RP1: variants seen among roughly 807,000 people sequenced by gnomAD.
The protein encoded by RP1 is RP1 axonemal microtubule associated.
RP1 carries 16 observed loss-of-function variants against 14.8 expected under a neutral mutation model. The observed-to-expected ratio is 1.08, with a 90% CI of 0.73 to 1.65. The LOEUF is 1.65. Among genes scored for constraint, RP1 ranks in the 40% most tolerant of loss-of-function variants. The pLI, the probability that RP1 is intolerant of heterozygous loss-of-function variation, is 0.00. For synonymous variants in RP1, 876 were observed against 883.6 expected, an observed-to-expected ratio of 0.99 and a Z score of 0.15; for missense variants, 2,631 against 2,535.0, an observed-to-expected ratio of 1.04 and a Z score of -0.81.
At chr8:54,769,488 G>A (rs954838330) in intron 22 of RP1, among the ~76,000 whole-genome samples, 1 of 152,030 alleles carries the variant, frequency 6.6e-6, no homozygotes, top group African/African-American at 2.4e-5. Context: ...GGAGAGGTGG[G>A]TGGTTAGCAG....
chr8:54,794,226 G>T (rs2129385918), intron 24 of RP1, among the ~76,000 whole-genome samples: 1 of 151,076 alleles, frequency 6.6e-6, no homozygotes, highest in African/African-American at 2.4e-5. Flanking sequence ...AATTTCATGT[G>T]AAACCACAAA....
chr8:54,842,518 A>G (rs1811812025), intron 25 of RP1, among the ~76,000 whole-genome samples: 1 of 152,172 alleles, frequency 6.6e-6, no homozygotes. Flanking sequence ...ATAGGTGCCA[A>G]TCACAGAGGA....
At chr8:54,852,656 T>C in exon 26 of RP1, 1 of 1,231,270 alleles carries the variant, frequency 8.1e-7, no homozygotes, top group African/African-American at 1.5e-5. Flanking sequence ...ACCTCATCGG[T>C]ACCAGAGGTG....
intron 23 of RP1, among the ~76,000 whole-genome samples, chr8:54,776,269 A>G (rs775065767): frequency 2.6e-5 from 4 of 152,120 alleles, no homozygotes; most frequent in Non-Finnish European, 5.9e-5. Flanking sequence ...TGGCATGATC[A>G]TAGCTCACTG....
At chr8:54,807,841 C>G (rs1053128246) in intron 24 of RP1, among the ~76,000 whole-genome samples, 1 of 152,112 alleles carries the variant, frequency 6.6e-6, no homozygotes, top group African/African-American at 2.4e-5. Context: ...CAAAGGCCAT[C>G]TGCTGGTAGA....
At chr8:54,863,742 G>A (rs1368580514) in intron 27 of RP1, among the ~76,000 whole-genome samples, 2 of 152,204 alleles carry the variant, frequency 1.3e-5, no homozygotes, top group Non-Finnish European at 2.9e-5. Flanking sequence ...AAACAGCATA[G>A]TTCAAATTTC....
chr8:54,621,097 G>A lies in RP1; in HGVS notation c.131G>A (p.Gly44Glu). 1 of 1,614,152 alleles carries A rather than the reference G, an allele frequency of 6.2e-7. No homozygotes were observed. The highest frequency in any genetic ancestry group is 1.1e-5 in the South Asian group (1 of 91,074). ...AAGCGAATCAGTTTCTACAAGAGCG[G>A]AGACCCCCAATTCGGCGGGGTCAGG... ...VAKRISFYKS[G>E]DPQFGGVRVV... Residue 44 changes from glycine to glutamate, a missense_variant, in exon 2 of 4, where the codon GGA becomes GAA. By Grantham distance (98) the Gly-to-Glu change is moderately conservative. Transcript: ENST00000220676.
At chr8:54,812,614 A>C (rs894038251) in intron 24 of RP1, among the ~76,000 whole-genome samples, 1 of 152,130 alleles carries the variant, frequency 6.6e-6, no homozygotes, top group African/African-American at 2.4e-5. Context: ...TTCACTTCCA[A>C]TTCTGTTTTC....
Position 54,741,705 on chromosome 8 carries a change from GTGTATATATATATATA to G in RP1, c.2808+2678_2808+2693del, listed in dbSNP as rs1157826757. On this transcript the variant is annotated intron_variant, in intron 19 of 22. Coordinates refer to the RP1 transcript ENST00000636932. ...TATGTACATATAAATACAAATGTGT[GTGTATATATATATATA>G]TATATATATATATATATATATATAT... Among the ~76,000 whole-genome samples, 193 of 75,900 alleles carry G rather than the reference GTGTATATATATATATA, an allele frequency of 2.5e-3. 2 individuals are homozygous for G. Among genetic ancestry groups the G allele is most frequent in the African/African-American group, 0.01 (173 of 16,944 alleles). The allele number at this position is 75,900 out of a possible 152,430, so 49.8% of individuals were successfully genotyped here. A position where few individuals can be genotyped will look rare whatever the true frequency, so the allele number is the denominator to read the frequency against.
At chr8:54,790,611 C>G (rs1395847223) in intron 24 of RP1, among the ~76,000 whole-genome samples, 3 of 148,392 alleles carry the variant, frequency 2.0e-5, no homozygotes, top group Non-Finnish European at 4.5e-5. Context: ...ATAAGCAACA[C>G]ATGATCAAAA....
chr8:54,728,233 G>T (rs894674315), intron 17 of RP1, among the ~76,000 whole-genome samples: 1 of 152,102 alleles, frequency 6.6e-6, no homozygotes, highest in African/African-American at 2.4e-5. Flanking sequence ...ATCTGTTACT[G>T]AGTAATTAGA....
At chr8:54,763,079 C>T (rs1001458013) in intron 22 of RP1, among the ~76,000 whole-genome samples, 1 of 152,118 alleles carries the variant, frequency 6.6e-6, no homozygotes, top group African/African-American at 2.4e-5. Context: ...ACTATTTAAC[C>T]CAGTATACTT....
intron 7 of RP1, among the ~76,000 whole-genome samples, chr8:54,670,503 ATACACATATATATGTATGTGTATATAT>A (rs1163270535): frequency 5.3e-5 from 3 of 56,502 alleles, no homozygotes; most frequent in Non-Finnish European, 1.4e-4. Context: ...ATGTATATAT[ATACACATATATATGTATGTGTATATAT>A]ATACATATAT....
At chr8:54,867,258 A>G (rs1166346528) in intron 28 of RP1, among the ~76,000 whole-genome samples, 1 of 152,172 alleles carries the variant, frequency 6.6e-6, no homozygotes, top group African/African-American at 2.4e-5. Flanking sequence ...TAAGGAGTTG[A>G]ATTTTGTATG....
intron 19 of RP1, among the ~76,000 whole-genome samples, chr8:54,741,701 GTGTGTGTATATATATATATATA>G (rs1337299579): frequency 1.1e-5 from 1 of 88,144 alleles, no homozygotes; most frequent in African/African-American, 6.3e-5. Context: ...AAATACAAAT[GTGTGTGTATATATATATATATA>G]TATATATATA....
chr8:54,571,275 G>A (rs1804515529), intron 1 of RP1, among the ~76,000 whole-genome samples: 1 of 152,208 alleles, frequency 6.6e-6, no homozygotes, highest in African/African-American at 2.4e-5. Flanking sequence ...CCCCAGGACA[G>A]CCTCTGTTCC....
chr8:54,697,352 C>T (rs1034510218), intron 12 of RP1, among the ~76,000 whole-genome samples: 1 of 152,000 alleles, frequency 6.6e-6, no homozygotes, highest in Non-Finnish European at 1.5e-5. Context: ...GTCGGGAGTT[C>T]GAGATCAGCC....
At chr8:54,684,768 G>A (rs1017705657) in intron 12 of RP1, among the ~76,000 whole-genome samples, 1 of 151,922 alleles carries the variant, frequency 6.6e-6, no homozygotes, top group African/African-American at 2.4e-5. Context: ...TACATGTGCA[G>A]GATGTGCAGG....
chr8:54,718,149 C>T (rs532335024), intron 15 of RP1, among the ~76,000 whole-genome samples: 1 of 152,266 alleles, frequency 6.6e-6, no homozygotes, highest in African/African-American at 2.4e-5. Flanking sequence ...TTCTTACCAA[C>T]TTTATCATAG....
Sources: gnomAD v4.1 joint callset for allele counts (sites outside exome capture counted in the v4.1 genomes callset) on GRCh38, gnomAD v4.1.1 for gene constraint, MANE v1.5 for transcripts, NCBI Gene and HGNC (gene_info 2026-07-23, HGNC 2026-07-21) for gene names.